PCDHGA2: variants seen among roughly 807,000 people sequenced by gnomAD.
PCDHGA2 encodes protocadherin gamma-A2.
Under a neutral mutation model 59.2 loss-of-function variants are expected in PCDHGA2, and 40 were observed. The ratio of observed to expected loss-of-function variants is 0.68; its 90% CI spans 0.52 to 0.88. The LOEUF (loss-of-function observed/expected upper bound fraction) is 0.88, where lower values mean the gene tolerates loss of function less well. Among genes scored for constraint, PCDHGA2 ranks in the 40% least tolerant of loss-of-function variants. PCDHGA2 has a pLI of 0.00. For synonymous variants in PCDHGA2, 560 were observed against 526.0 expected, an observed-to-expected ratio of 1.06 and a Z score of -0.89; for missense variants, 1,226 against 1,204.0, an observed-to-expected ratio of 1.02 and a Z score of -0.27.
Position 141,478,316 on chromosome 5 carries a change from C to T in PCDHGA2, c.2425-16491C>T, listed in dbSNP as rs776948755. ...CCTATACCGAGCCCCGGTGAGCTCA[C>T]TGTACCGAACACCAGGGCCCTCCTT... On this transcript the variant is annotated intron_variant, in intron 1 of 3. Coordinates refer to ENST00000394576, the MANE Select transcript of PCDHGA2 (RefSeq NM_018915.4). 120 of 1,613,924 alleles carry T rather than the reference C, an allele frequency of 7.4e-5. 2 individuals carry two copies. In the South Asian group the frequency reaches 1.3e-3, roughly 18 times the overall value.
At chr5:141,383,843 A>G in intron 1 of PCDHGA2, 4 of 1,613,970 alleles carry the variant, frequency 2.5e-6, no homozygotes, top group Non-Finnish European at 2.5e-6. Flanking sequence ...ACTGCCTTCT[A>G]TGAAATGGAG....
intron 1 of PCDHGA2, chr5:141,392,725 A>G: frequency 7.1e-7 from 1 of 1,399,540 alleles, no homozygotes; most frequent in South Asian, 1.6e-5. Flanking sequence ...TTTCCGGAGG[A>G]TTGTCATCTC....
intron 1 of PCDHGA2, among the ~76,000 whole-genome samples, chr5:141,450,830 T>TTTA (rs1554136905): frequency 6.9e-5 from 7 of 101,548 alleles, no homozygotes; most frequent in East Asian, 2.6e-4. Flanking sequence ...ATTATTATTA[T>TTTA]TTTTTTTTTT....
chr5:141,350,282 G>A lies in PCDHGA2; in HGVS notation c.2424+8887G>A, dbSNP rs199858823. The A allele has an allele frequency of 1.4e-4, 219 of 1,511,982 alleles. No homozygotes were observed. The highest frequency in any genetic ancestry group is 1.8e-4 in the Non-Finnish European group (209 of 1,131,720). 93.7% of individuals were successfully genotyped at this position (1,511,982 alleles called of 1,614,324 possible). A position where few individuals can be genotyped will look rare whatever the true frequency, so the allele number is the denominator to read the frequency against. On this transcript the variant is annotated intron_variant, in intron 1 of 3. Transcript: ENST00000394576. The stretch of plus-strand genomic sequence containing the variant: ...TGAAATGCAGAGAGCCAGAGAAGCC[G>A]AAATGATGAAAAGTCAGGTACTGTT...
intron 1 of PCDHGA2, among the ~76,000 whole-genome samples, chr5:141,492,329 C>T (rs2099739386): frequency 1.3e-5 from 2 of 152,232 alleles, no homozygotes; most frequent in African/African-American, 4.8e-5. Context: ...CGTGGGCTTA[C>T]GCGAATACCA....
rs146734417 is a variant in PCDHGA2, at chr5:141,431,409, G to T, written c.2425-63398G>T. The T allele has an allele frequency of 1.9e-6, 3 of 1,613,722 alleles. No homozygotes were observed. Among genetic ancestry groups the T allele is most frequent in the Non-Finnish European group, 2.5e-6 (3 of 1,180,048 alleles). On this transcript the variant is annotated intron_variant, in intron 1 of 3. Transcript: ENST00000394576. This position sits in a 1 kb window ranked among gnomAD's most constrained non-coding sequence, Gnocchi z 4.8. Reference sequence around the variant, plus strand: ...CACCTGGTCCTTACGGCCTCCGACGGGGGCGACCCGGTGCGCACAGGCACC... The same window carrying T: ...CACCTGGTCCTTACGGCCTCCGACGTGGGCGACCCGGTGCGCACAGGCACC...
At chr5:141,500,167 A>C (rs976308963) in intron 2 of PCDHGA2, among the ~76,000 whole-genome samples, 1 of 150,656 alleles carries the variant, frequency 6.6e-6, no homozygotes, top group African/African-American at 2.4e-5. Context: ...AAGAACATGC[A>C]TGAGCTTCAT....
At chr5:141,374,003 C>A in intron 1 of PCDHGA2, 1 of 1,320,442 alleles carries the variant, frequency 7.6e-7, no homozygotes. Context: ...GGACCTTCAC[C>A]GCTATTTCTG....
chr5:141,388,424 GATAA>G, intron 1 of PCDHGA2: 1 of 1,613,812 alleles, frequency 6.2e-7, no homozygotes, highest in Non-Finnish European at 8.5e-7. Context: ...ATTTCTCACT[GATAA>G]ATAAAGAGAA....
At chr5:141,481,180 T>C (rs1354907506) in intron 1 of PCDHGA2, among the ~76,000 whole-genome samples, 1 of 152,236 alleles carries the variant, frequency 6.6e-6, no homozygotes, top group Admixed American at 6.5e-5. Flanking sequence ...CCAGCTTTAT[T>C]GGGCCAGGCC....
At position 141,476,676 on chromosome 5, in the gene PCDHGA2, G is replaced by A. The variant is rs753538822; in HGVS notation, c.2425-18131G>A. The A allele has an allele frequency of 6.2e-7, 1 of 1,614,222 alleles. No individual in the cohort carries two copies. The highest frequency in any genetic ancestry group is 8.5e-7 in the Non-Finnish European group (1 of 1,180,054). On this transcript the variant is annotated intron_variant, in intron 1 of 3. Transcript: ENST00000394576. The surrounding 1 kb of genome is among the most constrained non-coding windows in gnomAD (Gnocchi z 7.6). ...TACTTTGCGCTTCGCGTGCAGACGC[G>A]GGAGGACAGCACCAAGTACGCGGAG...
chr5:141,347,137 C>CTCTTTCTTTCTCTCTTTCTTTCTTTCTT (rs1757891131), intron 1 of PCDHGA2, among the ~76,000 whole-genome samples: 1 of 113,744 alleles, frequency 8.8e-6, no homozygotes, highest in African/African-American at 3.8e-5. Context: ...CTCTGTTTCT[C>CTCTTTCTTTCTCTCTTTCTTTCTTTCTT]TCTTTCTTTC....
At chr5:141,370,847 A>G (rs372882282) in intron 1 of PCDHGA2, 2 of 1,614,046 alleles carry the variant, frequency 1.2e-6, no homozygotes, top group Non-Finnish European at 1.7e-6. Flanking sequence ...CTGGAGCCAC[A>G]TTTGCCCTGG....
chr5:141,365,827 G>A (rs746773273), intron 1 of PCDHGA2: 1 of 1,613,872 alleles, frequency 6.2e-7, no homozygotes, highest in Admixed American at 1.7e-5. Context: ...TTCAGGGGGC[G>A]CCCTTGTCCT....
chr5:141,361,797 C>T, intron 1 of PCDHGA2: 3 of 1,613,222 alleles, frequency 1.9e-6, no homozygotes, highest in Non-Finnish European at 2.5e-6. Flanking sequence ...TAGTGGGCGA[C>T]CTCAATGACA....
chr5:141,395,409 T>G, intron 1 of PCDHGA2: 1 of 813,990 alleles, frequency 1.2e-6, no homozygotes, highest in East Asian at 2.8e-5. Context: ...AGTCATAGGT[T>G]ATTGTTTCAT....
Position 141,378,904 on chromosome 5 carries a change from T to C in PCDHGA2, c.2424+37509T>C, listed in dbSNP as rs947498432. 2.0e-5 allele frequency: 3 copies of C among 152,224 alleles called. 1 individual carries two copies. Among genetic ancestry groups the C allele is most frequent in the Non-Finnish European group, 4.4e-5 (3 of 68,030 alleles). 9.4% of individuals were successfully genotyped at this position (152,224 alleles called of 1,614,324 possible). A position where few individuals can be genotyped will look rare whatever the true frequency, so the allele number is the denominator to read the frequency against. ...ACTAAGGAGATAGGAGATTCTGTTA[T>C]CGACAGTCTTCAAAAGTAAGTTGAT... On this transcript the variant is annotated intron_variant, in intron 1 of 3. Transcript: ENST00000394576.
chr5:141,389,331 G>A (rs1212558688), intron 1 of PCDHGA2: 15 of 1,613,986 alleles, frequency 9.3e-6, no homozygotes, highest in Middle Eastern at 1.6e-4. Context: ...GGGGCCCAAC[G>A]GCCAAGTCTC....
Position 141,339,065 on chromosome 5 carries a change from C to G in PCDHGA2, c.94C>G (p.Arg32Gly). Residue 32 changes from arginine to glycine, a missense_variant, in exon 1 of 4, where the codon CGC becomes GGC. Coordinates refer to ENST00000394576, the MANE Select transcript of PCDHGA2 (RefSeq NM_018915.4). ...TLWEARAGQI[R>G]YSVREEIDRG... ...GTGGGAGGCCAGGGCCGGGCAGATTCGCTATTCTGTGCGGGAAGAGATCGA... is the reference window on the plus strand; with the variant it reads ...GTGGGAGGCCAGGGCCGGGCAGATTGGCTATTCTGTGCGGGAAGAGATCGA... The G allele has an allele frequency of 6.2e-7, 1 of 1,613,574 alleles. No individual in the cohort carries two copies. Among genetic ancestry groups the G allele is most frequent in the Non-Finnish European group, 8.5e-7 (1 of 1,179,456 alleles).
Sources: allele counts gnomAD v4.1 joint callset (sites outside exome capture counted in the v4.1 genomes callset), GRCh38; gene constraint gnomAD v4.1.1; non-coding constraint Gnocchi (gnomAD v3.1); transcripts MANE v1.5; gene names NCBI Gene and HGNC (gene_info 2026-07-23, HGNC 2026-07-21).